Variants in COL1A1 observed in about 807,000 individuals in gnomAD.
The protein encoded by COL1A1 is collagen alpha-1(I) chain.
COL1A1 carries 21 observed loss-of-function variants against 195.7 expected under a neutral mutation model. The observed-to-expected ratio is 0.11, with a 90% confidence interval of 0.08 to 0.15. COL1A1 has a LOEUF of 0.15. COL1A1 is among the 10% of genes least tolerant of loss of function. The probability of loss-of-function intolerance (pLI) is 1.00; values close to 1 mark genes in which losing one functional copy is unlikely to be tolerated. For missense variants in COL1A1, 1,365 were observed against 2,051.0 expected, an observed-to-expected ratio of 0.67 and a Z score of 6.46; for synonymous variants, 749 against 747.3, an observed-to-expected ratio of 1.00 and a Z score of -0.04.
chr17:50,199,525 G>A (rs1907884356), intron 3 of COL1A1, 31 bp downstream of exon 3: 3 of 1,614,078 alleles, frequency 1.9e-6, no homozygotes, highest in Admixed American at 1.7e-5. Flanking sequence ...CACGGGCCGC[G>A]CAGGGGCAAA....
chr17:50,187,756 G>T, intron 45 of COL1A1, 120 bp downstream of exon 45: 2 of 1,066,370 alleles, frequency 1.9e-6, no homozygotes, highest in Non-Finnish European at 2.8e-6. Context: ...CAAATCTTCA[G>T]ACCCCAGTCC....
Position 50,188,285 on chromosome 17 carries a change from GA to G in COL1A1, c.3208-137del. 1 of 973,648 alleles carries G rather than the reference GA, an allele frequency of 1.0e-6. No homozygotes were observed. The highest frequency in any genetic ancestry group is 1.5e-6 in the Non-Finnish European group (1 of 662,568). 60.3% of individuals were successfully genotyped at this position (973,648 alleles called of 1,614,324 possible). A position where few individuals can be genotyped will look rare whatever the true frequency, so the allele number is the denominator to read the frequency against. On this transcript the variant is annotated intron_variant, in intron 43 of 50. Coordinates refer to ENST00000225964, the MANE Select transcript of COL1A1 (RefSeq NM_000088.4). The surrounding 1 kb of genome is among the most constrained non-coding windows in gnomAD (Gnocchi z 5.6). ...GTGGCCATCTCTCCCAACTCCCAGG[GA>G]AACCTCCCCACTGCAATCTTCACGG...
intron 13 of COL1A1, 36 bp downstream of exon 13, chr17:50,196,448 G>A (rs1045352552): frequency 1.4e-5 from 23 of 1,613,970 alleles, no homozygotes; most frequent in African/African-American, 2.7e-5. Flanking sequence ...CCTGCCTCCT[G>A]CCCCATCCCT....
chr17:50,185,334 C>A lies in COL1A1; in HGVS notation c.*168G>T, dbSNP rs1906392409. 2.0e-6 allele frequency: 1 copy of A among 496,718 alleles called. No individual in the cohort carries two copies. Among genetic ancestry groups the A allele is most frequent in the Non-Finnish European group, 3.2e-6 (1 of 308,806 alleles). 30.8% of individuals were successfully genotyped at this position (496,718 alleles called of 1,614,324 possible). On this transcript the variant is annotated 3_prime_UTR_variant, in exon 51 of 51. Coordinates refer to ENST00000225964, the MANE Select transcript of COL1A1 (RefSeq NM_000088.4). ...ATGTTCGGTTGGTCAAAGATAAAAA[C>A]TAAGTTTGAGAGATGAATGCAAAGG...
Position 50,188,922 on chromosome 17 carries a change from G to A in COL1A1, c.3026C>T (p.Pro1009Leu). ...PMGPPGLAGPPGESGREGAPG... is the reference protein window; with the variant it reads ...PMGPPGLAGPLGESGREGAPG... Reference sequence around the variant, plus strand: ...GCTCACCTCACGTCCAGATTCACCAGGGGGTCCAGCCAATCCAGGGGGGCC... The same window carrying A: ...GCTCACCTCACGTCCAGATTCACCAAGGGGTCCAGCCAATCCAGGGGGGCC... Residue 1009 changes from proline (P) to leucine (L), a missense_variant, in exon 41 of 51, where the codon CCT becomes CTT. Around this residue, in one of 5 missense-constraint regions of COL1A1, gnomAD observed 671 missense variants for 1,099.9 expected, o/e 0.61. Coordinates refer to ENST00000225964, the MANE Select transcript of COL1A1 (RefSeq NM_000088.4). The surrounding 1 kb of genome is among the most constrained non-coding windows in gnomAD (Gnocchi z 5.6). 1.2e-6 allele frequency: 2 copies of A among 1,610,228 alleles called. No individual in the cohort carries two copies. The highest frequency in any genetic ancestry group is 1.7e-6 in the Non-Finnish European group (2 of 1,176,600).
At position 50,189,340 on chromosome 17, in the gene COL1A1, C is replaced by T. The variant is rs762839632; in HGVS notation, c.2829+37G>A. 8.7e-6 allele frequency: 14 copies of T among 1,613,558 alleles called. No homozygotes were observed. Among genetic ancestry groups the T allele is most frequent in the Admixed American group, 1.7e-5 (1 of 59,994 alleles). On this transcript the variant is annotated intron_variant, in intron 39 of 50. Coordinates refer to ENST00000225964, the MANE Select transcript of COL1A1 (RefSeq NM_000088.4). This position sits in a 1 kb window ranked among gnomAD's most constrained non-coding sequence, Gnocchi z 5.5. Reference sequence around the variant, plus strand: ...ACAGGGACCCCTCCCCAGCTCTGCACACCTCCGGAGCTGCAGAGATCTGAG... The same window carrying T: ...ACAGGGACCCCTCCCCAGCTCTGCATACCTCCGGAGCTGCAGAGATCTGAG...
At chr17:50,199,999 T>C (rs998141214) in intron 1 of COL1A1, 52 bp from the exon 2 acceptor site, 2 of 1,578,846 alleles carry the variant, frequency 1.3e-6, no homozygotes, top group African/African-American at 2.7e-5. Flanking sequence ...ACCCCCAGCT[T>C]AACCACCTTT....
chr17:50,191,643 G>T, intron 31 of COL1A1, 145 bp downstream of exon 31: 1 of 1,114,754 alleles, frequency 9.0e-7, no homozygotes, highest in Non-Finnish European at 1.3e-6. Flanking sequence ...ACTCCAGGCT[G>T]TGTGTGGGCC....
At position 50,194,600 on chromosome 17, in the gene COL1A1, A is replaced by T. The variant is rs1179270180; in HGVS notation, c.1488T>A (p.Pro496=). The change falls in exon 22 of 51, where the codon CCT becomes CCA. Residue 496 remains proline (P), a synonymous_variant. Transcript: ENST00000225964. This position sits in a 1 kb window ranked among gnomAD's most constrained non-coding sequence, Gnocchi z 6.8. ...TGGGACCAGCAACACCATCTGCGCCAGGGAAACCACGGCTACCAGGTCCAC... is the reference window on the plus strand; with the variant it reads ...TGGGACCAGCAACACCATCTGCGCCTGGGAAACCACGGCTACCAGGTCCAC... ...ERGGPGSRGF[P]GADGVAGPKG... is the part of the protein sequence containing the mutation. 1 of 1,574,694 alleles carries T rather than the reference A, an allele frequency of 6.4e-7. No individual in the cohort carries two copies. Among genetic ancestry groups the T allele is most frequent in the Non-Finnish European group, 8.6e-7 (1 of 1,159,908 alleles).
intron 27 of COL1A1, 21 bp from the exon 28 acceptor site, chr17:50,192,714 A>T: frequency 6.2e-7 from 1 of 1,614,012 alleles, no homozygotes; most frequent in Non-Finnish European, 8.5e-7. Flanking sequence ...AGAACACTAC[A>T]GTCACGGGGA....
chr17:50,197,639 G>T, intron 9 of COL1A1, 93 bp downstream of exon 9: 2 of 1,052,730 alleles, frequency 1.9e-6, no homozygotes, highest in Non-Finnish European at 2.8e-6. Context: ...CTTCCTCTGA[G>T]TATCGTTCCC....
chr17:50,192,439 C>T (rs756183527), intron 29 of COL1A1, 36 bp downstream of exon 29: 1 of 1,571,468 alleles, frequency 6.4e-7, no homozygotes, highest in Non-Finnish European at 8.6e-7. Context: ...GGATTCCCTG[C>T]ATCTCCCACC....
In COL1A1 at chr17:50,199,698, A is replaced by AGCCCCAGGCCCCAG; in HGVS notation, c.298+41_298+54dup. ...GCGAGCGCCGACCACCCCCAGCCCCAGCCCCAGGCCCCAGGCCCCAGGCCC... is the reference window on the plus strand; with the variant it reads ...GCGAGCGCCGACCACCCCCAGCCCCAGCCCCAGGCCCCAGGCCCCAGGCCCCAGGCCCCAGGCCC... On this transcript the variant is annotated intron_variant, in intron 2 of 50. Transcript: ENST00000225964. 5 of 1,594,824 alleles carry AGCCCCAGGCCCCAG rather than the reference A, an allele frequency of 3.1e-6. No individual in the cohort carries two copies. The African/African-American group carries it at 4.1e-5, about 13-fold the overall frequency.
rs775577229 is a variant in COL1A1, at chr17:50,188,132, G to A, written c.3225C>T (p.Ala1075=). The A allele has an allele frequency of 1.2e-5, 19 of 1,567,534 alleles. No homozygotes were observed. Among genetic ancestry groups the A allele is most frequent in the African/African-American group, 5.4e-5 (4 of 73,742 alleles). The change falls in exon 44 of 51, where the codon GCC becomes GCT. Residue 1075 remains alanine (A), a synonymous_variant. Coordinates refer to ENST00000225964, the MANE Select transcript of COL1A1 (RefSeq NM_000088.4). The surrounding 1 kb of genome is among the most constrained non-coding windows in gnomAD (Gnocchi z 5.6). ...GGGCGCCAACAGGGCCGACAGGACC[G>A]GCGGGACCAGCAGGACCCTGGGGAG... ...DRGETGPAGP[A]GPVGPVGARG...
chr17:50,198,784 G>A (rs577808028), intron 5 of COL1A1: 19 of 508,290 alleles, frequency 3.7e-5, no homozygotes, highest in Non-Finnish European at 6.1e-5. Flanking sequence ...GTGGAAACTA[G>A]AGACATGATG....
chr17:50,196,457 C>T, intron 13 of COL1A1, 27 bp downstream of exon 13: 2 of 1,614,196 alleles, frequency 1.2e-6, no homozygotes, highest in Non-Finnish European at 1.7e-6. Flanking sequence ...TGCCCCATCC[C>T]TGCCCTCTGG....
Position 50,186,313 on chromosome 17 carries a change from G to C in COL1A1, c.4005+4C>G. On this transcript the variant is annotated splice_donor_region_variant and intron_variant, in intron 49 of 50. Transcript: ENST00000225964. The surrounding 1 kb of genome is among the most constrained non-coding windows in gnomAD (Gnocchi z 5.3). ...ACACTGGCTCTGAGGTCCAGCTCAC[G>C]CACCTGGAATCCATCGGTCATGCTC... 1 of 1,614,024 alleles carries C rather than the reference G, an allele frequency of 6.2e-7. No homozygotes were observed. Among genetic ancestry groups the C allele is most frequent in the South Asian group, 1.1e-5 (1 of 91,080 alleles).
Position 50,185,152 on chromosome 17 carries a change from A to AGCATTGGG in COL1A1, c.*342_*349dup. 3.1e-6 allele frequency: 1 copy of AGCATTGGG among 326,872 alleles called. No individual in the cohort carries two copies. The highest frequency in any genetic ancestry group is 4.6e-5 in the South Asian group (1 of 21,974). 20.2% of individuals were successfully genotyped at this position (326,872 alleles called of 1,614,324 possible). A position where few individuals can be genotyped will look rare whatever the true frequency, so the allele number is the denominator to read the frequency against. On this transcript the variant is annotated 3_prime_UTR_variant, in exon 51 of 51. Transcript: ENST00000225964. Reference sequence around the variant, plus strand: ...GTGTGGAGAAAGGAGCAGAAAGGGCAGCATTGGGGTTTCATAAGCCCAACG... The same window carrying AGCATTGGG: ...GTGTGGAGAAAGGAGCAGAAAGGGCAGCATTGGGGCATTGGGGTTTCATAAGCCCAACG...
rs763532065 is a variant in COL1A1 at position 50,195,911 on chromosome 17, G to T, written c.1056+12C>A. 2.5e-6 allele frequency: 4 copies of T among 1,573,214 alleles called. No individual in the cohort carries two copies. Among genetic ancestry groups the T allele is most frequent in the Non-Finnish European group, 3.5e-6 (4 of 1,158,450 alleles). On this transcript the variant is annotated intron_variant, in intron 16 of 50. Coordinates refer to ENST00000225964, the MANE Select transcript of COL1A1 (RefSeq NM_000088.4). The surrounding 1 kb of genome is among the most constrained non-coding windows in gnomAD (Gnocchi z 4.3). ...ATGAGGGTCATGCTTAGAGGAGAGT[G>T]GGGGGTCTCACCTTAGCACCAACAG... is the stretch of plus-strand genomic sequence containing the variant.
Sources: gnomAD v4.1 joint callset for allele counts on GRCh38, gnomAD v4.1.1 for gene constraint, gnomAD v4.1.1 regional missense constraint, Gnocchi (gnomAD v3.1) non-coding constraint, MANE v1.5 for transcripts, NCBI Gene and HGNC (gene_info 2026-07-23, HGNC 2026-07-21) for gene names.